Variants in CSMD1 observed in about 807,000 individuals in gnomAD.
CSMD1 encodes the protein CUB and Sushi multiple domains 1.
CSMD1 carries 213 observed loss-of-function variants against 417.5 expected under a neutral mutation model. The observed-to-expected ratio is 0.51, with a 90% CI of 0.46 to 0.57. CSMD1 has a LOEUF of 0.57. Among genes scored for constraint, CSMD1 ranks in the 20% least tolerant of loss-of-function variants. The pLI, the probability that CSMD1 is intolerant of heterozygous loss-of-function variation, is 0.00. For missense variants in CSMD1, 6,923 were observed against 4,529.7 expected (o/e 1.53, Z -15.17); for synonymous variants, 2,862 against 1,736.8 (o/e 1.65, Z -16.11).
intron 5 of CSMD1, among the ~76,000 whole-genome samples, chr8:3,806,295 T>C (rs11136667): frequency 0.36 from 54,113 of 152,030 alleles, 10,302 homozygotes; most frequent in Middle Eastern, 0.43. Flanking sequence ...TCTATCGTAA[T>C]GATGGCCTTA....
At chr8:4,008,234 A>C (rs933515117) in intron 4 of CSMD1, among the ~76,000 whole-genome samples, 1 of 152,182 alleles carries the variant, frequency 6.6e-6, no homozygotes, top group Non-Finnish European at 1.5e-5. Context: ...GTTCAAGTTT[A>C]ACTTAAAAAC....
intron 1 of CSMD1, among the ~76,000 whole-genome samples, chr8:4,856,947 A>C (rs909334554): frequency 4.6e-5 from 7 of 152,008 alleles, no homozygotes; most frequent in Non-Finnish European, 1.0e-4. Flanking sequence ...CTCCACCCCA[A>C]ATCAACAGAA....
intron 2 of CSMD1, among the ~76,000 whole-genome samples, chr8:4,512,949 C>G (rs1245795694): frequency 6.6e-6 from 1 of 151,894 alleles, no homozygotes; most frequent in Non-Finnish European, 1.5e-5. Flanking sequence ...ATTTTCGAAA[C>G]AGCAAAATTA....
At chr8:3,325,107 C>T (rs979788840) in intron 23 of CSMD1, among the ~76,000 whole-genome samples, 1 of 152,126 alleles carries the variant, frequency 6.6e-6, no homozygotes, top group African/African-American at 2.4e-5. Context: ...CTTTTAACGA[C>T]ATCATTAAAA....
Position 4,945,467 on chromosome 8 carries a change from G to A in CSMD1, c.85+48865C>T, listed in dbSNP as rs558291965. On this transcript the variant is annotated intron_variant, in intron 1 of 69. Transcript: ENST00000635120. ...CCCAGCATTTTGGGAAGCTGAGGTG[G>A]GCGGATTACTTGAGCCCAAGAGTTT... Among the ~76,000 whole-genome samples the A allele has an allele frequency of 8.2e-4, 125 of 151,714 alleles. 1 individual carries two copies. The highest frequency in any genetic ancestry group is 3.4e-3 in the Middle Eastern group (1 of 292).
chr8:4,365,484 G>A lies in CSMD1; in HGVS notation c.415+54469C>T, dbSNP rs372160419. Among the ~76,000 whole-genome samples, 25 of 152,192 alleles carry A rather than the reference G, an allele frequency of 1.6e-4. No individual in the cohort carries two copies. In the East Asian group the frequency reaches 1.7e-3, roughly 11 times the overall value. On this transcript the variant is annotated intron_variant, in intron 3 of 69. Coordinates refer to ENST00000635120, the MANE Select transcript of CSMD1 (RefSeq NM_033225.6). ...CTGTTCTTTTTCTCCAAGTCTACTG[G>A]CCTTAGGGCAGTGCTACGAATCCAG...
intron 7 of CSMD1, among the ~76,000 whole-genome samples, chr8:3,700,230 C>G (rs1331858787): frequency 6.6e-6 from 1 of 152,088 alleles, no homozygotes; most frequent in Non-Finnish European, 1.5e-5. Context: ...TAACCATATA[C>G]CACCTGTACC....
intron 3 of CSMD1, among the ~76,000 whole-genome samples, chr8:4,275,793 C>A (rs773674478): frequency 1.2e-4 from 19 of 152,158 alleles, no homozygotes; most frequent in Non-Finnish European, 1.2e-4. Flanking sequence ...AATGCTATAA[C>A]TTTGGCATGA....
intron 33 of CSMD1, among the ~76,000 whole-genome samples, chr8:3,199,508 T>C (rs568002008): frequency 6.6e-6 from 1 of 152,336 alleles, no homozygotes; most frequent in East Asian, 1.9e-4. Context: ...TATTGTGTTT[T>C]TGTAGTAGAA....
intron 10 of CSMD1, among the ~76,000 whole-genome samples, chr8:3,532,419 C>T (rs983735038): frequency 6.6e-6 from 1 of 152,164 alleles, no homozygotes; most frequent in Non-Finnish European, 1.5e-5. Context: ...GAAAGATGGA[C>T]TTGTGGCAAC....
At chr8:4,140,432 A>C (rs1585403203) in intron 3 of CSMD1, among the ~76,000 whole-genome samples, 1 of 150,926 alleles carries the variant, frequency 6.6e-6, no homozygotes, top group Non-Finnish European at 1.5e-5. Flanking sequence ...TGGGAAGTGG[A>C]GGTTGCCGTG....
intron 5 of CSMD1, among the ~76,000 whole-genome samples, chr8:3,820,556 T>A (rs764336008): frequency 1.3e-5 from 2 of 152,036 alleles, no homozygotes; most frequent in African/African-American, 2.4e-5. Flanking sequence ...CCATTTGTCG[T>A]TGTTGTGTTT....
chr8:3,627,684 G>T (rs1796563106), intron 7 of CSMD1, among the ~76,000 whole-genome samples: 1 of 152,144 alleles, frequency 6.6e-6, no homozygotes, highest in African/African-American at 2.4e-5. Flanking sequence ...ATGTTTTATG[G>T]TAAGCACGTT....
chr8:4,944,238 A>T (rs993539144), intron 1 of CSMD1, among the ~76,000 whole-genome samples: 9 of 152,222 alleles, frequency 5.9e-5, no homozygotes, highest in Non-Finnish European at 8.8e-5. Context: ...GATGATAGAA[A>T]GTAGAGCGAC....
chr8:4,207,790 A>G lies in CSMD1; in HGVS notation c.416-175691T>C, dbSNP rs1336626025. 3.9e-5 allele frequency among the ~76,000 whole-genome samples: 6 copies of G among 152,280 alleles called. No homozygotes were observed. The East Asian group carries it at 5.8e-4, about 15-fold the overall frequency. ...GGATAGCAAACCATTAGAACTGGCAATAGCAAAAGTTACAATAATTATGTT... is the reference window on the plus strand; with the variant it reads ...GGATAGCAAACCATTAGAACTGGCAGTAGCAAAAGTTACAATAATTATGTT... On this transcript the variant is annotated intron_variant, in intron 3 of 69. Transcript: ENST00000635120.
At chr8:3,502,356 C>G (rs1462241098) in intron 10 of CSMD1, among the ~76,000 whole-genome samples, 1 of 113,540 alleles carries the variant, frequency 8.8e-6, no homozygotes, top group Non-Finnish European at 1.7e-5. Context: ...CAGACCGAGA[C>G]TTCATCTCAA....
At chr8:3,013,255 C>A (rs1808545494) in intron 52 of CSMD1, among the ~76,000 whole-genome samples, 1 of 152,106 alleles carries the variant, frequency 6.6e-6, no homozygotes, top group South Asian at 2.1e-4. Context: ...ATGTTTGTTT[C>A]TTTTTTCCCA....
intron 5 of CSMD1, among the ~76,000 whole-genome samples, chr8:3,860,758 T>C (rs550282566): frequency 1.3e-5 from 2 of 152,124 alleles, no homozygotes; most frequent in East Asian, 3.9e-4. Context: ...CAGGTAAGTT[T>C]GAAGGGAGAG....
intron 3 of CSMD1, among the ~76,000 whole-genome samples, chr8:4,294,283 G>A (rs1300548402): frequency 6.6e-6 from 1 of 152,120 alleles, no homozygotes; most frequent in African/African-American, 2.4e-5. Context: ...ATGAATAAAG[G>A]CTTCGGTGCT....
Sources: allele counts gnomAD v4.1 joint callset (sites outside exome capture counted in the v4.1 genomes callset), GRCh38; gene constraint gnomAD v4.1.1; transcripts MANE v1.5; gene names NCBI Gene and HGNC (gene_info 2026-07-23, HGNC 2026-07-21).